The following PRICKLE1 variants were observed in gnomAD, a reference collection of about 807,000 sequenced individuals.
PRICKLE1 encodes prickle planar cell polarity protein 1.
A neutral mutation model predicts 70.2 loss-of-function variants in PRICKLE1; 14 were observed. The observed-to-expected ratio is 0.20, with a 90% CI of 0.13 to 0.31. PRICKLE1 has a LOEUF of 0.31. Among genes scored for constraint, PRICKLE1 ranks in the 10% least tolerant of loss-of-function variants. PRICKLE1 has a pLI of 1.00. For missense variants in PRICKLE1, 821 were observed against 1,026.2 expected (o/e 0.80, Z 2.73); for synonymous variants, 357 against 379.9 (o/e 0.94, Z 0.70).
Position 42,464,280 on chromosome 12 carries a change from CAT to C in PRICKLE1, c.1639+113_1639+114del. 1.5e-6 allele frequency: 2 copies of C among 1,297,940 alleles called. No individual in the cohort carries two copies. 80.4% of individuals were successfully genotyped at this position (1,297,940 alleles called of 1,614,324 possible). A position where few individuals can be genotyped will look rare whatever the true frequency, so the allele number is the denominator to read the frequency against. On this transcript the variant is annotated intron_variant, in intron 7 of 7. Transcript: ENST00000345127. The surrounding 1 kb of genome is among the most constrained non-coding windows in gnomAD (Gnocchi z 4.2). ...AAATGATCTGCCCACCTCAGCCTCC[CAT>C]AGTGCTGGAATTATAGGCATGAGCC...
At chr12:42,474,913 A>C (rs1938464358) in intron 1 of PRICKLE1, among the ~76,000 whole-genome samples, 1 of 152,274 alleles carries the variant, frequency 6.6e-6, no homozygotes, top group South Asian at 2.1e-4. Flanking sequence ...ATAAAACAAG[A>C]GAAAACATCA....
chr12:42,525,986 C>T (rs1939792837), intron 1 of PRICKLE1, among the ~76,000 whole-genome samples: 1 of 152,140 alleles, frequency 6.6e-6, no homozygotes, highest in Non-Finnish European at 1.5e-5. Flanking sequence ...TAATATAGGG[C>T]ATTTGAGCTG....
chr12:42,507,428 C>T (rs1344061553), intron 1 of PRICKLE1, among the ~76,000 whole-genome samples: 1 of 152,222 alleles, frequency 6.6e-6, no homozygotes, highest in African/African-American at 2.4e-5. Flanking sequence ...CTCACTGGGA[C>T]ACCACAACTT....
At chr12:42,515,512 C>T (rs1051071072) in intron 1 of PRICKLE1, among the ~76,000 whole-genome samples, 1 of 152,142 alleles carries the variant, frequency 6.6e-6, no homozygotes, top group Non-Finnish European at 1.5e-5. Context: ...GGATTACAGA[C>T]GTGAGCCACC....
rs558707290 is a variant in PRICKLE1 at position 42,470,862 on chromosome 12, C to T, written c.133-503G>A. The stretch of plus-strand genomic sequence containing the variant: ...CAGAGGTTGCAGTCACCCAAGATCG[C>T]GCCACTGCACTCCAGCCTGAGTGAC... On this transcript the variant is annotated intron_variant, in intron 2 of 7. Coordinates refer to ENST00000345127, the MANE Select transcript of PRICKLE1 (RefSeq NM_153026.3). Among the ~76,000 whole-genome samples, 6 of 151,464 alleles carry T rather than the reference C, an allele frequency of 4.0e-5. No homozygotes were observed. In the East Asian group the frequency reaches 5.8e-4, roughly 15 times the overall value.
intron 1 of PRICKLE1, among the ~76,000 whole-genome samples, chr12:42,546,932 CAAGAA>C (rs1940225569): frequency 6.6e-6 from 1 of 151,996 alleles, no homozygotes. Flanking sequence ...AACTATTTTG[CAAGAA>C]AAGAAAAGAA....
rs72169209 is a variant in PRICKLE1, at chr12:42,521,929, G to GGTGTGTGT, written c.-48-49373_-48-49366dup. ...AAGTGAAATCAGTTTGTTTGTTTTT[G>GGTGTGTGT]GTGTGTGTGTGTGTGTGTGTGTGTG... is the stretch of plus-strand genomic sequence containing the variant. On this transcript the variant is annotated intron_variant, in intron 1 of 7. Transcript: ENST00000345127. Among the ~76,000 whole-genome samples, 908 of 139,852 alleles carry GGTGTGTGT rather than the reference G, an allele frequency of 6.5e-3. 11 individuals are homozygous for GGTGTGTGT. The highest frequency in any genetic ancestry group is 0.023 in the African/African-American group (841 of 35,938). 91.7% of individuals were successfully genotyped at this position (139,852 alleles called of 152,430 possible).
intron 1 of PRICKLE1, among the ~76,000 whole-genome samples, chr12:42,556,026 C>T (rs1467745266): frequency 6.6e-6 from 1 of 152,194 alleles, no homozygotes; most frequent in Non-Finnish European, 1.5e-5. Context: ...GGTAAGCAAA[C>T]ATTTACCACC....
chr12:42,519,193 C>CTTTTTTTTTTTTTTTTTTTTTTTTTTTTT (rs11342397), intron 1 of PRICKLE1, among the ~76,000 whole-genome samples: 1 of 99,190 alleles, frequency 1.0e-5, no homozygotes, highest in Admixed American at 1.4e-4. Flanking sequence ...CCTTTTTTTC[C>CTTTTTTTTTTTTTTTTTTTTTTTTTTTTT]TTTTTTTTTT....
chr12:42,478,410 A>G (rs1412946015), intron 1 of PRICKLE1, among the ~76,000 whole-genome samples: 1 of 152,184 alleles, frequency 6.6e-6, no homozygotes, highest in African/African-American at 2.4e-5. Flanking sequence ...AAGAAAAGCA[A>G]AACAGTTTTC....
chr12:42,516,384 G>A (rs1473533901), intron 1 of PRICKLE1, among the ~76,000 whole-genome samples: 1 of 151,866 alleles, frequency 6.6e-6, no homozygotes, highest in Non-Finnish European at 1.5e-5. Context: ...CGCCTGCCTC[G>A]GCCTCCCAAA....
intron 1 of PRICKLE1, among the ~76,000 whole-genome samples, chr12:42,473,110 G>A (rs982582617): frequency 2.0e-5 from 3 of 152,270 alleles, no homozygotes; most frequent in African/African-American, 7.2e-5. Context: ...ATTATGTTTT[G>A]TAAGACACTA....
intron 1 of PRICKLE1, among the ~76,000 whole-genome samples, chr12:42,534,931 TC>T (rs1392144423): frequency 1.3e-5 from 2 of 152,234 alleles, no homozygotes; most frequent in African/African-American, 4.8e-5. Context: ...GTTTTTGACT[TC>T]CTGACATTTA....
intron 1 of PRICKLE1, among the ~76,000 whole-genome samples, chr12:42,507,032 A>G (rs918882964): frequency 2.0e-5 from 3 of 152,246 alleles, no homozygotes; most frequent in Non-Finnish European, 2.9e-5. Context: ...TATTTGGGGG[A>G]CATGCAAGGC....
chr12:42,476,390 C>G (rs1252399575), intron 1 of PRICKLE1, among the ~76,000 whole-genome samples: 1 of 151,924 alleles, frequency 6.6e-6, no homozygotes, highest in Non-Finnish European at 1.5e-5. Context: ...CCATGTTGGT[C>G]AGGCTGGTCT....
At chr12:42,495,306 A>G (rs1939176992) in intron 1 of PRICKLE1, among the ~76,000 whole-genome samples, 1 of 148,970 alleles carries the variant, frequency 6.7e-6, no homozygotes, top group African/African-American at 2.5e-5. Flanking sequence ...GGATCACTTG[A>G]GCCTGGGAGA....
At chr12:42,559,748 G>A (rs994303647) in intron 1 of PRICKLE1, among the ~76,000 whole-genome samples, 1 of 151,548 alleles carries the variant, frequency 6.6e-6, no homozygotes, top group Non-Finnish European at 1.5e-5. Flanking sequence ...ACAGGTGTGA[G>A]CCACTGCACC....
intron 1 of PRICKLE1, among the ~76,000 whole-genome samples, chr12:42,577,132 C>T (rs1481014816): frequency 1.3e-5 from 2 of 152,312 alleles, no homozygotes; most frequent in East Asian, 3.9e-4. Context: ...CAGTTTTAAT[C>T]ACTGTGTGTC....
intron 6 of PRICKLE1, 53 bp downstream of exon 6, chr12:42,466,141 C>T (rs1183706415): frequency 6.3e-7 from 1 of 1,585,482 alleles, no homozygotes; most frequent in Non-Finnish European, 8.7e-7. Context: ...CTGGATAATC[C>T]AAGACAGACT....
Sources: allele counts gnomAD v4.1 joint callset (sites outside exome capture counted in the v4.1 genomes callset), GRCh38; gene constraint gnomAD v4.1.1; non-coding constraint Gnocchi (gnomAD v3.1); transcripts MANE v1.5; gene names NCBI Gene and HGNC (gene_info 2026-07-23, HGNC 2026-07-21).